SH3PXD2B: variants seen among roughly 807,000 people sequenced by gnomAD.
SH3PXD2B encodes the protein SH3 and PX domain-containing protein 2B.
Under a neutral mutation model 73.1 loss-of-function variants are expected in SH3PXD2B, and 37 were observed. That is an observed-to-expected ratio of 0.51 (90% confidence interval 0.39 to 0.67). SH3PXD2B has a LOEUF of 0.67. SH3PXD2B is among the 30% of genes least tolerant of loss of function. The pLI is 0.00. For missense variants in SH3PXD2B, 1,053 were observed against 1,197.8 expected (o/e 0.88, Z 1.78); for synonymous variants, 457 against 480.5 (o/e 0.95, Z 0.64).
At position 172,335,544 on chromosome 5, in the gene SH3PXD2B, G is replaced by A. The variant is rs915352896; in HGVS notation, c.*2825C>T. ...CTATAGATCAGGGCTGGTCCTATCC[G>A]CCTCACAGGCTTGCCGTAAGGATTA... On this transcript the variant is annotated 3_prime_UTR_variant, in exon 13 of 13. Transcript: ENST00000311601. 11 of 1,231,522 alleles carry A rather than the reference G, an allele frequency of 8.9e-6. 1 individual carries two copies. The highest frequency in any genetic ancestry group is 4.2e-5 in the Admixed American group (1 of 23,704). 76.3% of individuals were successfully genotyped at this position (1,231,522 alleles called of 1,614,324 possible).
intron 4 of SH3PXD2B, among the ~76,000 whole-genome samples, chr5:172,390,860 T>TGTGTGTGAGA (rs949339165): frequency 7.0e-6 from 1 of 142,790 alleles, no homozygotes; most frequent in African/African-American, 2.5e-5. Context: ...TGTGTGTGTG[T>TGTGTGTGAGA]GACAGAGTTT....
At chr5:172,444,886 G>T (rs148333695) in intron 1 of SH3PXD2B, among the ~76,000 whole-genome samples, 18 of 152,230 alleles carry the variant, frequency 1.2e-4, no homozygotes, top group East Asian at 3.9e-4. Flanking sequence ...GGCCTTCCTG[G>T]GGGGGGACCA....
rs566600159 is a variant in SH3PXD2B at position 172,454,267 on chromosome 5, G to A, written c.75+11C>T. 3 of 1,594,176 alleles carry A rather than the reference G, an allele frequency of 1.9e-6. No homozygotes were observed. In the South Asian group the frequency reaches 3.3e-5, roughly 18 times the overall value. On this transcript the variant is annotated intron_variant, in intron 1 of 12. Transcript: ENST00000311601. ...GGGCTCAAGGGGGCGTGGGGGCCGC[G>A]CCGCACTCACATAATGCTTGTTGGG... is the stretch of plus-strand genomic sequence containing the variant.
At chr5:172,329,083 ATT>A (rs1164155218), downstream of SH3PXD2B, among the ~76,000 whole-genome samples, 4 of 61,812 alleles carry the variant, frequency 6.5e-5, no homozygotes, top group Non-Finnish European at 1.1e-4. Flanking sequence ...ATATATATAT[ATT>A]TTTTTTTTTT....
At position 172,449,077 on chromosome 5, in the gene SH3PXD2B, T is replaced by C. The variant is rs116102050; in HGVS notation, c.75+5201A>G. ...CTGCTCAGCACAGTGACCCCTAGGC[T>C]TCTGGAGCCTGGCAAATCAAAGAGG... On this transcript the variant is annotated intron_variant, in intron 1 of 12. Coordinates refer to ENST00000311601, the MANE Select transcript of SH3PXD2B (RefSeq NM_001017995.3). Among the ~76,000 whole-genome samples the C allele has an allele frequency of 1.6e-3, 245 of 152,318 alleles. 1 individual carries two copies. Among genetic ancestry groups the C allele is most frequent in the African/African-American group, 5.6e-3 (232 of 41,578 alleles).
At chr5:172,422,530 C>A (rs1278216943) in intron 1 of SH3PXD2B, 34 bp from the exon 2 acceptor site, 1 of 1,589,234 alleles carries the variant, frequency 6.3e-7, no homozygotes, top group South Asian at 1.1e-5. Flanking sequence ...GGTGTTAACA[C>A]CAGAAGGTGG....
intron 2 of SH3PXD2B, among the ~76,000 whole-genome samples, chr5:172,410,621 A>G (rs1168979970): frequency 6.6e-6 from 1 of 151,826 alleles, no homozygotes; most frequent in African/African-American, 2.4e-5. Context: ...TTTACTGATT[A>G]AAAAAAAATT....
chr5:172,347,202 G>A (rs570687448), intron 11 of SH3PXD2B, 81 bp downstream of exon 11: 5 of 1,380,912 alleles, frequency 3.6e-6, no homozygotes, highest in East Asian at 2.3e-5. Flanking sequence ...CTGGAAGGGC[G>A]AGGGGTGTGT....
rs1199616792 is a variant in SH3PXD2B at position 172,421,468 on chromosome 5, A to G, written c.156+948T>C. 2.0e-5 allele frequency among the ~76,000 whole-genome samples: 3 copies of G among 152,186 alleles called. No homozygotes were observed. The highest frequency in any genetic ancestry group is 4.4e-5 in the Non-Finnish European group (3 of 68,038). Reference sequence around the variant, plus strand: ...TTAGGCCTTGAATAAACTATTAAGGACAGACAGGAAGAGAAAGATGTGGTT... The same window carrying G: ...TTAGGCCTTGAATAAACTATTAAGGGCAGACAGGAAGAGAAAGATGTGGTT... On this transcript the variant is annotated intron_variant, in intron 2 of 12. Coordinates refer to ENST00000311601, the MANE Select transcript of SH3PXD2B (RefSeq NM_001017995.3). The surrounding 1 kb of genome is among the most constrained non-coding windows in gnomAD (Gnocchi z 4.0).
At position 172,334,995 on chromosome 5, in the gene SH3PXD2B, G is replaced by T. The variant is rs1362906539; in HGVS notation, c.*3374C>A. On this transcript the variant is annotated 3_prime_UTR_variant, in exon 13 of 13. Transcript: ENST00000311601. ...TGGGCTCCAGCGATCCCCCAGTAGG[G>T]AAGGGCCATTAAAAGCGGTTTAAGC... The T allele has an allele frequency of 5.1e-6, 5 of 985,338 alleles. No homozygotes were observed. The highest frequency in any genetic ancestry group is 6.0e-6 in the Non-Finnish European group (5 of 829,958). 61.0% of individuals were successfully genotyped at this position (985,338 alleles called of 1,614,324 possible). A position where few individuals can be genotyped will look rare whatever the true frequency, so the allele number is the denominator to read the frequency against.
At position 172,334,640 on chromosome 5, in the gene SH3PXD2B, C is replaced by CG; in HGVS notation, c.*3728dup. The CG allele has an allele frequency of 1.0e-6, 1 of 985,478 alleles. No homozygotes were observed. The highest frequency in any genetic ancestry group is 1.2e-6 in the Non-Finnish European group (1 of 829,976). 61.0% of individuals were successfully genotyped at this position (985,478 alleles called of 1,614,324 possible). A position where few individuals can be genotyped will look rare whatever the true frequency, so the allele number is the denominator to read the frequency against. ...GTAAGACTTGGGCACGATGAAAGGA[C>CG]GGGGGTCCAGCTACGAATGTTTTTG... On this transcript the variant is annotated 3_prime_UTR_variant, in exon 13 of 13. Transcript: ENST00000311601.
At position 172,385,147 on chromosome 5, in the gene SH3PXD2B, C is replaced by G. The variant is rs77015431; in HGVS notation, c.310-3020G>C. Among the ~76,000 whole-genome samples the G allele has an allele frequency of 8.1e-3, 1,230 of 152,248 alleles. 18 individuals are homozygous for G. The highest frequency in any genetic ancestry group is 0.026 in the African/African-American group (1,059 of 41,514). ...CTGGATGAGCTGCTGTCTGCTCCCC[C>G]CTCCCCATGGGCCTCTTTTTCCTCT... On this transcript the variant is annotated intron_variant, in intron 4 of 12. Transcript: ENST00000311601.
At position 172,338,256 on chromosome 5, in the gene SH3PXD2B, CAG is replaced by C. The variant is rs1242092125; in HGVS notation, c.*111_*112del. The C allele has an allele frequency of 6.3e-7, 1 of 1,590,734 alleles. No homozygotes were observed. The highest frequency in any genetic ancestry group is 8.5e-7 in the Non-Finnish European group (1 of 1,170,440). On this transcript the variant is annotated 3_prime_UTR_variant, in exon 13 of 13. Coordinates refer to ENST00000311601, the MANE Select transcript of SH3PXD2B (RefSeq NM_001017995.3). The surrounding 1 kb of genome is among the most constrained non-coding windows in gnomAD (Gnocchi z 5.1). ...TGGGAGGCAAGAAGTCACAGTACCCCAGAGTCTGTCTGCCTTGGAAGCTGCGT... is the reference window on the plus strand; with the variant it reads ...TGGGAGGCAAGAAGTCACAGTACCCCAGTCTGTCTGCCTTGGAAGCTGCGT...
chr5:172,427,369 G>A (rs1759119160), intron 1 of SH3PXD2B, among the ~76,000 whole-genome samples: 1 of 152,114 alleles, frequency 6.6e-6, no homozygotes, highest in Non-Finnish European at 1.5e-5. Context: ...CTTCTGAGAT[G>A]AGGTCTCGCT....
chr5:172,349,526 T>C (rs1757110921), intron 10 of SH3PXD2B, among the ~76,000 whole-genome samples: 1 of 152,132 alleles, frequency 6.6e-6, no homozygotes, highest in African/African-American at 2.4e-5. Context: ...GGCACTGTGT[T>C]GGAGTAGAGC....
chr5:172,381,928 G>T, intron 5 of SH3PXD2B, 108 bp downstream of exon 5: 1 of 802,294 alleles, frequency 1.2e-6, no homozygotes. Flanking sequence ...CAGGGGCTCA[G>T]CCGACGAAAC....
intron 6 of SH3PXD2B, 70 bp downstream of exon 6, chr5:172,373,720 T>G (rs1016665198): frequency 2.0e-6 from 3 of 1,513,060 alleles, no homozygotes; most frequent in African/African-American, 2.8e-5. Flanking sequence ...CAGAGCCTGG[T>G]GCACAGTTGG....
intron 1 of SH3PXD2B, among the ~76,000 whole-genome samples, chr5:172,447,194 G>C (rs1247891303): frequency 6.6e-6 from 1 of 151,470 alleles, no homozygotes; most frequent in Non-Finnish European, 1.5e-5. Context: ...GAAAAGCACA[G>C]ACAAGCAGAA....
rs188005732 is a variant in SH3PXD2B at position 172,421,045 on chromosome 5, C to T, written c.156+1371G>A. The stretch of plus-strand genomic sequence containing the variant: ...CAGCTTCAGTTGGGTTTCTGTCACT[C>T]GCAACAGAAGCATTCTGACTGAAAA... On this transcript the variant is annotated intron_variant, in intron 2 of 12. Transcript: ENST00000311601. This position sits in a 1 kb window ranked among gnomAD's most constrained non-coding sequence, Gnocchi z 4.0. 9.2e-5 allele frequency among the ~76,000 whole-genome samples: 14 copies of T among 152,260 alleles called. No individual in the cohort carries two copies. The highest frequency in any genetic ancestry group is 2.0e-4 in the Admixed American group (3 of 15,286).
Sources: gnomAD v4.1 joint callset for allele counts (sites outside exome capture counted in the v4.1 genomes callset) on GRCh38, gnomAD v4.1.1 for gene constraint, Gnocchi (gnomAD v3.1) non-coding constraint, MANE v1.5 for transcripts, NCBI Gene and HGNC (gene_info 2026-07-23, HGNC 2026-07-21) for gene names.